The following OR14I1 variants were observed in gnomAD, a reference collection of about 807,000 sequenced individuals.
The protein encoded by OR14I1 is olfactory receptor family 14 subfamily I member 1.
For missense variants in OR14I1, 279 were observed against 181.8 expected (o/e 1.53, Z -3.07); for synonymous variants, 118 against 71.1 (o/e 1.66, Z -3.32).
the OR14I1 span, among the ~76,000 whole-genome samples, chr1:248,702,097 C>G: frequency 6.6e-6 from 1 of 152,102 alleles, no homozygotes; most frequent in Admixed American, 6.5e-5. Context: ...ATGAGAACAA[C>G]AAGGGAGAAA....
At chr1:248,691,250 T>G in the OR14I1 span, among the ~76,000 whole-genome samples, 8 of 152,252 alleles carry the variant, frequency 5.3e-5, no homozygotes, top group Non-Finnish European at 1.0e-4. Flanking sequence ...AACAATGCAT[T>G]TATGTCCCAG....
chr1:248,691,765 C>G, the OR14I1 span: 1 of 152,396 alleles, frequency 6.6e-6, no homozygotes, highest in African/African-American at 2.4e-5. Flanking sequence ...CTAGCCCGGC[C>G]AACCCGCCTG....
At chr1:248,688,885 T>G in the OR14I1 span, among the ~76,000 whole-genome samples, 1 of 152,254 alleles carries the variant, frequency 6.6e-6, no homozygotes, top group African/African-American at 2.4e-5. Flanking sequence ...GCTTCAGGTA[T>G]GGGGACTTCC....
At chr1:248,701,790 T>G in the OR14I1 span, among the ~76,000 whole-genome samples, 1 of 152,148 alleles carries the variant, frequency 6.6e-6, no homozygotes, top group African/African-American at 2.4e-5. Context: ...AAAATAGCTA[T>G]CCACAAATCA....
At chr1:248,693,093 C>T in the OR14I1 span, among the ~76,000 whole-genome samples, 1 of 152,224 alleles carries the variant, frequency 6.6e-6, no homozygotes, top group Admixed American at 6.5e-5. Flanking sequence ...TCTGGGTCTG[C>T]TTATCGGGAG....
At chr1:248,689,313 G>T in the OR14I1 span, among the ~76,000 whole-genome samples, 111,785 of 152,020 alleles carry the variant, frequency 0.74, 44,351 homozygotes, top group Non-Finnish European at 0.88. Flanking sequence ...ATATGCTGCA[G>T]TCCCACATGG....
At chr1:248,682,973 G>A (rs1037140997), upstream of OR14I1, among the ~76,000 whole-genome samples, 1 of 152,184 alleles carries the variant, frequency 6.6e-6, no homozygotes, top group Non-Finnish European at 1.5e-5. Flanking sequence ...TTACCCATGT[G>A]TTGCACCTTC....
At chr1:248,681,410 T>A (rs148884002) in exon 1 of OR14I1, 1 of 778,088 alleles carries the variant, frequency 1.3e-6, no homozygotes, top group African/African-American at 1.7e-5. Flanking sequence ...AGTCTCCACA[T>A]GGCTGTTTTA....
the OR14I1 span, among the ~76,000 whole-genome samples, chr1:248,693,109 AT>A: frequency 6.6e-6 from 1 of 152,202 alleles, no homozygotes; most frequent in South Asian, 2.1e-4. Context: ...GGGAGGAGTC[AT>A]TCAGTTAGTG....
chr1:248,693,647 AG>A, the OR14I1 span, among the ~76,000 whole-genome samples: 1 of 152,070 alleles, frequency 6.6e-6, no homozygotes, highest in African/African-American at 2.4e-5. Flanking sequence ...AAAATGTGGA[AG>A]TTTATCTTGG....
chr1:248,696,491 T>C, the OR14I1 span, among the ~76,000 whole-genome samples: 1 of 152,200 alleles, frequency 6.6e-6, no homozygotes, highest in East Asian at 1.9e-4. Flanking sequence ...TTCTGTTCAC[T>C]AGGACATTAT....
At chr1:248,684,336 C>A (rs968277407), upstream of OR14I1, among the ~76,000 whole-genome samples, 2 of 152,210 alleles carry the variant, frequency 1.3e-5, no homozygotes, top group Admixed American at 6.5e-5. Flanking sequence ...AAAGTCTCGA[C>A]AAACATGTGA....
downstream of OR14I1, among the ~76,000 whole-genome samples, chr1:248,678,212 CAT>C (rs1434483091): frequency 6.6e-6 from 1 of 152,152 alleles, no homozygotes; most frequent in Non-Finnish European, 1.5e-5. Flanking sequence ...AAGGCAGGAA[CAT>C]ATAAATAAGC....
downstream of OR14I1, among the ~76,000 whole-genome samples, chr1:248,678,949 C>A (rs894034400): frequency 1.3e-5 from 2 of 152,132 alleles, no homozygotes; most frequent in East Asian, 3.8e-4. Context: ...CTAGAAGAAT[C>A]CCTCCAAAAG....
downstream of OR14I1, among the ~76,000 whole-genome samples, chr1:248,680,020 A>G (rs1291092145): frequency 6.6e-6 from 1 of 152,262 alleles, no homozygotes; most frequent in Non-Finnish European, 1.5e-5. Flanking sequence ...ACACATATTA[A>G]GCATTCAAGT....
exon 1 of OR14I1, chr1:248,682,041 G>T (rs762249538): frequency 1.3e-6 from 1 of 781,064 alleles, no homozygotes; most frequent in South Asian, 1.3e-5. Context: ...AAGAGATGGA[G>T]CTTCTGCGAG....
upstream of OR14I1, among the ~76,000 whole-genome samples, chr1:248,683,832 G>A (rs1357553247): frequency 1.3e-5 from 2 of 152,186 alleles, no homozygotes; most frequent in Non-Finnish European, 2.9e-5. Flanking sequence ...TGAGGAGTTC[G>A]AGACCAGCCT....
At chr1:248,688,932 G>A in the OR14I1 span, among the ~76,000 whole-genome samples, 1 of 152,126 alleles carries the variant, frequency 6.6e-6, no homozygotes, top group African/African-American at 2.4e-5. Flanking sequence ...TTTCTCTGGG[G>A]GATTGGTTGA....
chr1:248,693,746 C>T, the OR14I1 span, among the ~76,000 whole-genome samples: 247 of 151,340 alleles, frequency 1.6e-3, no homozygotes, highest in African/African-American at 5.6e-3. Context: ...AGCCCAAACC[C>T]AGCCCCACTG....
Sources: gnomAD v4.1 joint callset for allele counts (sites outside exome capture counted in the v4.1 genomes callset) on GRCh38, gnomAD v4.1.1 for gene constraint, MANE v1.5 for transcripts, NCBI Gene and HGNC (gene_info 2026-07-23, HGNC 2026-07-21) for gene names.